The following MRPS35 variants were observed in gnomAD, a reference collection of about 807,000 sequenced individuals.
MRPS35 encodes small ribosomal subunit protein mS35.
A neutral mutation model predicts 32.7 loss-of-function variants in MRPS35; 29 were observed. The observed-to-expected ratio is 0.89, with a 90% CI of 0.66 to 1.21. The LOEUF is 1.21. MRPS35 is among the 50% of genes most tolerant of loss of function. MRPS35 has a pLI of 0.00. For missense variants in MRPS35, 373 were observed against 383.8 expected, an observed-to-expected ratio of 0.97 and a Z score of 0.23; for synonymous variants, 148 against 139.3, an observed-to-expected ratio of 1.06 and a Z score of -0.44.
chr12:27,713,110 C>A (rs74718970), intron 1 of MRPS35, among the ~76,000 whole-genome samples: 2,113 of 152,336 alleles, frequency 0.014, 56 homozygotes, highest in African/African-American at 0.048. Context: ...CTGTTCTGTT[C>A]TTAAATTTCA....
chr12:27,735,659 G>A lies in MRPS35; in HGVS notation c.632+103G>A. On this transcript the variant is annotated intron_variant, in intron 6 of 7. Transcript: ENST00000081029. ...AGAAACTATATTGAAGATGGGGGAG[G>A]GCGTAGCCTTTTCTTATTAAGCAGA... The A allele has an allele frequency of 3.7e-6, 3 of 806,024 alleles. No individual in the cohort carries two copies. In the South Asian group the frequency reaches 4.8e-5, roughly 13 times the overall value. 49.9% of individuals were successfully genotyped at this position (806,024 alleles called of 1,614,324 possible). A position where few individuals can be genotyped will look rare whatever the true frequency, so the allele number is the denominator to read the frequency against.
chr12:27,710,989 G>A (rs760734752), intron 1 of MRPS35, 34 bp downstream of exon 1: 4 of 1,589,068 alleles, frequency 2.5e-6, no homozygotes, highest in Non-Finnish European at 3.4e-6. Flanking sequence ...TGGGCTTTGG[G>A]GGAGGTGCAA....
At chr12:27,743,805 G>A (rs1013292822) in intron 7 of MRPS35, among the ~76,000 whole-genome samples, 5 of 152,142 alleles carry the variant, frequency 3.3e-5, no homozygotes, top group Admixed American at 6.5e-5. Context: ...GCGCCAGCAT[G>A]GTTGCATTAG....
At chr12:27,739,318 ATAGG>A (rs2061954653) in intron 7 of MRPS35, among the ~76,000 whole-genome samples, 1 of 152,236 alleles carries the variant, frequency 6.6e-6, no homozygotes, top group South Asian at 2.1e-4. Flanking sequence ...TACTCCTTGA[ATAGG>A]TAGTTAAATT....
At chr12:27,751,750 C>T (rs963286723) in intron 7 of MRPS35, among the ~76,000 whole-genome samples, 3 of 152,230 alleles carry the variant, frequency 2.0e-5, no homozygotes, top group East Asian at 1.9e-4. Flanking sequence ...GCCCCAAGAG[C>T]GCCTGTACAA....
intron 7 of MRPS35, among the ~76,000 whole-genome samples, chr12:27,751,453 G>A (rs950721184): frequency 1.3e-5 from 2 of 152,212 alleles, no homozygotes; most frequent in Middle Eastern, 3.2e-3. Flanking sequence ...TTCAGCAGCA[G>A]CTCAAATTAA....
intron 7 of MRPS35, among the ~76,000 whole-genome samples, chr12:27,741,770 A>G (rs930863405): frequency 6.6e-6 from 1 of 151,976 alleles, no homozygotes; most frequent in African/African-American, 2.4e-5. Flanking sequence ...TGGGGAAGAG[A>G]AAAAAAACAG....
At position 27,710,894 on chromosome 12, in the gene MRPS35, G is replaced by T; in HGVS notation, c.51G>T (p.Arg17Ser). ...GGCTGTCTCTGCAGTCGAGGGCAAG[G>T]ACTCTGCGTGCATTCTCCACTGCCG... ...PAWLSLQSRA[R>S]TLRAFSTAVY... The change falls in exon 1 of 8, where the codon AGG becomes AGT. Residue 17 changes from arginine (R) to serine (S), a missense_variant. Transcript: ENST00000081029. 2 of 1,612,764 alleles carry T rather than the reference G, an allele frequency of 1.2e-6. No homozygotes were observed. Among genetic ancestry groups the T allele is most frequent in the Non-Finnish European group, 8.5e-7 (1 of 1,179,912 alleles).
At chr12:27,733,038 A>ATCTATCTATCTATC (rs1565468137) in intron 5 of MRPS35, among the ~76,000 whole-genome samples, 2 of 76,124 alleles carry the variant, frequency 2.6e-5, no homozygotes, top group East Asian at 8.8e-4. Context: ...ATATATATAT[A>ATCTATCTATCTATC]TATCCAGCAC....
chr12:27,731,618 G>A (rs1266719107), intron 5 of MRPS35, among the ~76,000 whole-genome samples: 2 of 152,080 alleles, frequency 1.3e-5, no homozygotes, highest in Non-Finnish European at 1.5e-5. Context: ...GCCCAGGCTG[G>A]AGTCCAGTGG....
chr12:27,743,988 A>G (rs2061973023), intron 7 of MRPS35, among the ~76,000 whole-genome samples: 1 of 152,138 alleles, frequency 6.6e-6, no homozygotes, highest in African/African-American at 2.4e-5. Context: ...GGGTTCTATA[A>G]TTTACCATTT....
At chr12:27,739,410 A>G (rs2061954873) in intron 7 of MRPS35, among the ~76,000 whole-genome samples, 1 of 152,248 alleles carries the variant, frequency 6.6e-6, no homozygotes, top group South Asian at 2.1e-4. Flanking sequence ...TAAACTGCTC[A>G]CAGCTTTTCC....
intron 6 of MRPS35, among the ~76,000 whole-genome samples, chr12:27,737,109 C>T (rs747851634): frequency 6.6e-6 from 1 of 152,226 alleles, no homozygotes; most frequent in Non-Finnish European, 1.5e-5. Context: ...CTTCTAGCCT[C>T]AAGCAACCCT....
At chr12:27,736,245 G>A (rs1331955173) in intron 6 of MRPS35, among the ~76,000 whole-genome samples, 2 of 152,146 alleles carry the variant, frequency 1.3e-5, no homozygotes, top group East Asian at 3.8e-4. Flanking sequence ...TGTCAGTATC[G>A]ATTAGGTCTC....
chr12:27,729,838 A>G (rs1379562187), intron 5 of MRPS35, among the ~76,000 whole-genome samples: 2 of 151,480 alleles, frequency 1.3e-5, no homozygotes, highest in Non-Finnish European at 2.9e-5. Context: ...GCCACGTGCC[A>G]TTGCACTTCC....
intron 1 of MRPS35, among the ~76,000 whole-genome samples, chr12:27,712,945 G>A (rs189429011): frequency 7.2e-4 from 109 of 152,328 alleles, no homozygotes; most frequent in African/African-American, 2.5e-3. Flanking sequence ...CTGAGCCTGG[G>A]AAGTCGATTA....
chr12:27,719,685 A>AT lies in MRPS35; in HGVS notation c.322-123_322-122insT, dbSNP rs920360394. ...GAGACTCTGTCTCAAAAAAAAAAAA[A>AT]AACAAACAGATTTTATTTACTACAT... On this transcript the variant is annotated intron_variant, in intron 3 of 7. Transcript: ENST00000081029. The AT allele has an allele frequency of 5.7e-5, 38 of 666,084 alleles. 1 individual carries two copies. The highest frequency in any genetic ancestry group is 8.7e-5 in the Non-Finnish European group (35 of 402,734). The allele number at this position is 666,084 out of a possible 1,614,324, so 41.3% of individuals were successfully genotyped here. A position where few individuals can be genotyped will look rare whatever the true frequency, so the allele number is the denominator to read the frequency against.
At chr12:27,714,940 G>T in intron 2 of MRPS35, 120 bp downstream of exon 2, 1 of 803,768 alleles carries the variant, frequency 1.2e-6, no homozygotes, top group Non-Finnish European at 2.0e-6. Flanking sequence ...TGTTTACTGG[G>T]TGATTGCCAT....
Position 27,710,899 on chromosome 12 carries a change from T to C in MRPS35, c.56T>C (p.Leu19Pro). ...TCTCTGCAGTCGAGGGCAAGGACTC[T>C]GCGTGCATTCTCCACTGCCGTCTAC... ...WLSLQSRARTLRAFSTAVYSA... is the reference protein window; with the variant it reads ...WLSLQSRARTPRAFSTAVYSA... The change falls in exon 1 of 8, where the codon CTG (leucine) becomes CCG (proline). Residue 19 changes from leucine to proline, a missense_variant. Coordinates refer to ENST00000081029, the MANE Select transcript of MRPS35 (RefSeq NM_021821.4). 2 of 1,613,028 alleles carry C rather than the reference T, an allele frequency of 1.2e-6. No individual in the cohort carries two copies. The highest frequency in any genetic ancestry group is 2.2e-5 in the East Asian group (1 of 44,880).
Sources: allele counts gnomAD v4.1 joint callset (sites outside exome capture counted in the v4.1 genomes callset), GRCh38; gene constraint gnomAD v4.1.1; transcripts MANE v1.5; gene names NCBI Gene and HGNC (gene_info 2026-07-23, HGNC 2026-07-21).